The following KLHL3 variants were observed in gnomAD, a reference collection of about 807,000 sequenced individuals.
The protein encoded by KLHL3 is kelch-like protein 3.
Under a neutral mutation model 70.5 loss-of-function variants are expected in KLHL3, and 19 were observed. The observed-to-expected ratio is 0.27, with a 90% CI of 0.19 to 0.40. KLHL3 has a LOEUF of 0.40. KLHL3 is among the 10% of genes least tolerant of loss of function. KLHL3 has a pLI of 1.00. For synonymous variants in KLHL3, 258 were observed against 290.3 expected, an observed-to-expected ratio of 0.89 and a Z score of 1.13; for missense variants, 512 against 771.1, an observed-to-expected ratio of 0.66 and a Z score of 3.98.
At chr5:137,735,459 G>A (rs1319202086) in intron 1 of KLHL3, among the ~76,000 whole-genome samples, 174 bp downstream of exon 1, 1 of 152,196 alleles carries the variant, frequency 6.6e-6, no homozygotes, top group East Asian at 1.9e-4. Context: ...GCCCTGGAAC[G>A]GGTGATTTGG....
intron 14 of KLHL3, among the ~76,000 whole-genome samples, chr5:137,625,048 C>T (rs1253780921): frequency 1.3e-5 from 2 of 152,256 alleles, no homozygotes; most frequent in African/African-American, 4.8e-5. Flanking sequence ...GTTACTTAAA[C>T]TCTCCAAACC....
At chr5:137,678,507 A>G (rs115030187) in intron 5 of KLHL3, among the ~76,000 whole-genome samples, 32 of 152,286 alleles carry the variant, frequency 2.1e-4, no homozygotes, top group Non-Finnish European at 4.3e-4. Flanking sequence ...TTTTGGGCCA[A>G]TGGCATCACT....
chr5:137,689,905 G>A (rs765841655), intron 5 of KLHL3, among the ~76,000 whole-genome samples: 1 of 152,210 alleles, frequency 6.6e-6, no homozygotes, highest in Non-Finnish European at 1.5e-5. Context: ...TATGTGCTAG[G>A]TGTACACACA....
chr5:137,623,974 G>A (rs542360735), intron 14 of KLHL3, among the ~76,000 whole-genome samples: 3 of 152,286 alleles, frequency 2.0e-5, no homozygotes, highest in South Asian at 2.1e-4. Flanking sequence ...GACTATATGC[G>A]TGAGTTCACA....
chr5:137,625,670 C>T (rs1750440319), intron 14 of KLHL3, 83 bp downstream of exon 14: 2 of 1,536,058 alleles, frequency 1.3e-6, no homozygotes, highest in Non-Finnish European at 1.8e-6. Flanking sequence ...CTCACATCCC[C>T]TCATCCCACT....
chr5:137,719,735 C>T (rs1752961119), intron 2 of KLHL3, among the ~76,000 whole-genome samples: 1 of 152,136 alleles, frequency 6.6e-6, no homozygotes, highest in Non-Finnish European at 1.5e-5. Context: ...GCTGTCTTGC[C>T]AACCTAAGTT....
In KLHL3 at chr5:137,709,743, A is replaced by C; in HGVS notation, c.241+7T>G. ...AACCATGGGTTAATGGTGGCCACTCACCATACCTGTGAACATCGCACAGAA... is the reference window on the plus strand; with the variant it reads ...AACCATGGGTTAATGGTGGCCACTCCCCATACCTGTGAACATCGCACAGAA... On this transcript the variant is annotated splice_region_variant and intron_variant, in intron 3 of 14. Transcript: ENST00000309755. 3 of 1,610,136 alleles carry C rather than the reference A, an allele frequency of 1.9e-6. No homozygotes were observed. Among genetic ancestry groups the C allele is most frequent in the Non-Finnish European group, 2.5e-6 (3 of 1,176,600 alleles).
chr5:137,699,984 G>T (rs1385416340), intron 3 of KLHL3, among the ~76,000 whole-genome samples: 1 of 152,184 alleles, frequency 6.6e-6, no homozygotes. Flanking sequence ...GAGAAAAGTA[G>T]CGGGGGAGAC....
At chr5:137,691,925 G>C (rs1233888667) in intron 5 of KLHL3, among the ~76,000 whole-genome samples, 3 of 152,172 alleles carry the variant, frequency 2.0e-5, no homozygotes, top group African/African-American at 7.2e-5. Context: ...GCCAGTACGT[G>C]ACTTTTAAAA....
chr5:137,704,476 C>T (rs138005941), intron 3 of KLHL3, among the ~76,000 whole-genome samples: 225 of 152,346 alleles, frequency 1.5e-3, no homozygotes, highest in Non-Finnish European at 2.2e-3. Flanking sequence ...TGCAAGGCGG[C>T]ATTACCACAC....
Position 137,735,618 on chromosome 5 carries a change from C to T in KLHL3, c.14+15G>A. Reference sequence around the variant, plus strand: ...ACATACACACACAACACAGCACACACTTATACATACATACCTTTCACCCTC... The same window carrying T: ...ACATACACACACAACACAGCACACATTTATACATACATACCTTTCACCCTC... On this transcript the variant is annotated intron_variant, in intron 1 of 14. Coordinates refer to ENST00000309755, the MANE Select transcript of KLHL3 (RefSeq NM_017415.3). 1.3e-6 allele frequency: 2 copies of T among 1,598,612 alleles called. No individual in the cohort carries two copies. Among genetic ancestry groups the T allele is most frequent in the South Asian group, 1.1e-5 (1 of 90,758 alleles).
intron 3 of KLHL3, among the ~76,000 whole-genome samples, chr5:137,704,857 A>T (rs1379212653): frequency 1.3e-5 from 2 of 152,224 alleles, no homozygotes; most frequent in Non-Finnish European, 2.9e-5. Context: ...CCAGAAAAAG[A>T]TGCCTGACTT....
intron 14 of KLHL3, among the ~76,000 whole-genome samples, chr5:137,623,379 T>C (rs1478841900): frequency 6.6e-6 from 1 of 152,228 alleles, no homozygotes; most frequent in African/African-American, 2.4e-5. Flanking sequence ...ATCTATTTCC[T>C]GTTTATTCCT....
chr5:137,643,306 T>C (rs1750963803), intron 8 of KLHL3, among the ~76,000 whole-genome samples: 1 of 150,800 alleles, frequency 6.6e-6, no homozygotes, highest in South Asian at 2.1e-4. Context: ...GAGTTGTGAT[T>C]GCAGCACCAC....
intron 6 of KLHL3, among the ~76,000 whole-genome samples, chr5:137,672,474 G>T (rs956388270): frequency 3.0e-4 from 46 of 152,216 alleles, no homozygotes; most frequent in African/African-American, 1.0e-3. Context: ...AATGCAAAGA[G>T]AAGTAACCTA....
intron 1 of KLHL3, among the ~76,000 whole-genome samples, chr5:137,726,946 T>C (rs932981354): frequency 3.9e-4 from 59 of 152,148 alleles, no homozygotes; most frequent in African/African-American, 1.4e-3. Context: ...AATAAAAATA[T>C]ATAAGCTCTA....
At chr5:137,685,625 A>G (rs186943705) in intron 5 of KLHL3, among the ~76,000 whole-genome samples, 1 of 152,256 alleles carries the variant, frequency 6.6e-6, no homozygotes, top group Non-Finnish European at 1.5e-5. Flanking sequence ...TGTTTCAAAC[A>G]ATGGTCTAGA....
chr5:137,640,069 G>C, intron 8 of KLHL3, 92 bp from the exon 9 acceptor site: 1 of 1,058,158 alleles, frequency 9.5e-7, no homozygotes, highest in South Asian at 1.3e-5. Flanking sequence ...CGCCCAGGGT[G>C]TGTGGATGAT....
chr5:137,704,870 T>C (rs1752654719), intron 3 of KLHL3, among the ~76,000 whole-genome samples: 1 of 152,220 alleles, frequency 6.6e-6, no homozygotes, highest in Admixed American at 6.5e-5. Context: ...CCTGACTTTA[T>C]TGTGGTATGA....
Sources: allele counts gnomAD v4.1 joint callset (sites outside exome capture counted in the v4.1 genomes callset), GRCh38; gene constraint gnomAD v4.1.1; transcripts MANE v1.5; gene names NCBI Gene and HGNC (gene_info 2026-07-23, HGNC 2026-07-21).